Variants in CMSS1 observed in about 807,000 individuals in gnomAD.
The protein encoded by CMSS1 is protein CMSS1.
A neutral mutation model predicts 43.5 loss-of-function variants in CMSS1; 33 were observed. The observed-to-expected ratio is 0.76, with a 90% confidence interval of 0.57 to 1.01. CMSS1 has a LOEUF of 1.01. Ranked by LOEUF, CMSS1 falls within the 50% of genes least tolerant of loss-of-function variation. The pLI, the probability that CMSS1 is intolerant of heterozygous loss-of-function variation, is 0.00. For missense variants in CMSS1, 313 were observed against 326.4 expected (o/e 0.96, Z 0.32); for synonymous variants, 115 against 117.2 (o/e 0.98, Z 0.12).
intron 1 of CMSS1, among the ~76,000 whole-genome samples, chr3:100,114,692 A>G (rs1292281136): frequency 1.3e-5 from 2 of 152,120 alleles, no homozygotes; most frequent in East Asian, 1.9e-4. Context: ...CTGTGTTGCT[A>G]CCCCAGATAT....
intron 1 of CMSS1, chr3:99,930,810 C>T (rs1177756706): frequency 3.7e-6 from 6 of 1,612,876 alleles, no homozygotes; most frequent in African/African-American, 1.3e-5. Flanking sequence ...AATAACAGGT[C>T]ATCTCTTGAG....
intron 1 of CMSS1, among the ~76,000 whole-genome samples, chr3:100,144,472 T>C (rs2066831090): frequency 6.6e-6 from 1 of 152,084 alleles, no homozygotes; most frequent in African/African-American, 2.4e-5. Flanking sequence ...TGGGGATGGA[T>C]GAGGGCTCAT....
intron 1 of CMSS1, among the ~76,000 whole-genome samples, chr3:99,845,855 C>T (rs928595525): frequency 2.6e-5 from 4 of 152,046 alleles, no homozygotes; most frequent in African/African-American, 9.7e-5. Context: ...AGGAATCCTC[C>T]CAGTAGAGGT....
intron 1 of CMSS1, among the ~76,000 whole-genome samples, chr3:99,971,211 A>G (rs938764366): frequency 3.1e-4 from 47 of 152,098 alleles, no homozygotes; most frequent in African/African-American, 1.0e-3. Flanking sequence ...CTGGTGGCAG[A>G]TGCCTGTAGT....
At chr3:99,849,203 C>T (rs576596012) in intron 1 of CMSS1, 2 of 1,614,126 alleles carry the variant, frequency 1.2e-6, no homozygotes, top group African/African-American at 1.3e-5. Flanking sequence ...TATAACTGAC[C>T]ATTGATGACT....
intron 1 of CMSS1, among the ~76,000 whole-genome samples, chr3:99,868,404 CTT>C (rs1311599496): frequency 1.3e-5 from 2 of 152,170 alleles, no homozygotes; most frequent in Admixed American, 1.3e-4. Flanking sequence ...AGGACCTCCT[CTT>C]TGGCCTGAGA....
At chr3:99,938,021 C>T (rs999974820) in intron 1 of CMSS1, among the ~76,000 whole-genome samples, 6 of 151,938 alleles carry the variant, frequency 3.9e-5, no homozygotes, top group Non-Finnish European at 4.4e-5. Context: ...AATTTCAGGG[C>T]AGCACTGGTG....
chr3:99,886,412 A>AG (rs1420063764), intron 1 of CMSS1, among the ~76,000 whole-genome samples: 6 of 151,180 alleles, frequency 4.0e-5, no homozygotes, highest in Admixed American at 1.3e-4. Flanking sequence ...ATACCTGATG[A>AG]GAAAAAAAAA....
Position 100,160,463 on chromosome 3 carries a change from A to G in CMSS1, c.187A>G (p.Arg63Gly). The change falls in exon 3 of 10, where the codon AGA (arginine) becomes GGA (glycine). Residue 63 changes from arginine to glycine, a missense_variant. Arg to Gly is a moderately radical substitution (Grantham distance 125). Coordinates refer to ENST00000421999, the MANE Select transcript of CMSS1 (RefSeq NM_032359.4). ...KECFLIQPKE[R>G]KENTTKTRKR... is the part of the protein sequence containing the mutation. ...ATGTTTTTTGATACAACCAAAGGAAAGAAAAGAGAATACCACCAAGACCAG... is the reference window on the plus strand; with the variant it reads ...ATGTTTTTTGATACAACCAAAGGAAGGAAAAGAGAATACCACCAAGACCAG... 1 of 1,515,318 alleles carries G rather than the reference A, an allele frequency of 6.6e-7. No homozygotes were observed. The highest frequency in any genetic ancestry group is 9.1e-7 in the Non-Finnish European group (1 of 1,093,984). 93.9% of individuals were successfully genotyped at this position (1,515,318 alleles called of 1,614,324 possible).
intron 1 of CMSS1, among the ~76,000 whole-genome samples, chr3:100,038,231 C>G (rs746157995): frequency 2.7e-4 from 41 of 152,168 alleles, no homozygotes; most frequent in Admixed American, 1.4e-3. Flanking sequence ...GCTGTGATTA[C>G]AGGCGTGAGC....
At chr3:100,147,256 A>ATTCTTT (rs1401682283) in intron 2 of CMSS1, among the ~76,000 whole-genome samples, 195 bp downstream of exon 2, 2 of 141,388 alleles carry the variant, frequency 1.4e-5, no homozygotes, top group Non-Finnish European at 3.1e-5. Flanking sequence ...TTTTGCCCTA[A>ATTCTTT]TTCTTTTTCT....
chr3:100,028,871 C>T (rs1480012636), intron 1 of CMSS1, among the ~76,000 whole-genome samples: 6 of 152,256 alleles, frequency 3.9e-5, no homozygotes, highest in Admixed American at 6.5e-5. Context: ...TGTTTCAATA[C>T]ACCTTTTTAC....
chr3:99,844,758 A>C (rs1943287263), intron 1 of CMSS1, among the ~76,000 whole-genome samples: 1 of 152,050 alleles, frequency 6.6e-6, no homozygotes, highest in Admixed American at 6.5e-5. Context: ...CCCCGTTTGG[A>C]TCGTGGGGTG....
At chr3:99,924,884 G>T (rs1250634522) in intron 1 of CMSS1, among the ~76,000 whole-genome samples, 1 of 152,164 alleles carries the variant, frequency 6.6e-6, no homozygotes, top group Non-Finnish European at 1.5e-5. Context: ...ACTTTTGGGT[G>T]CATTTCAATA....
intron 1 of CMSS1, among the ~76,000 whole-genome samples, chr3:100,044,465 T>C (rs2065250355): frequency 6.6e-6 from 1 of 152,046 alleles, no homozygotes; most frequent in Non-Finnish European, 1.5e-5. Context: ...AAACAGAGTA[T>C]ACAAGAGCAT....
chr3:100,047,734 T>A (rs1220656946), intron 1 of CMSS1, among the ~76,000 whole-genome samples: 2 of 152,132 alleles, frequency 1.3e-5, no homozygotes, highest in African/African-American at 4.8e-5. Flanking sequence ...CTCAATCAAA[T>A]CATTTCACCT....
chr3:99,850,782 C>T (rs1943650750), intron 1 of CMSS1: 1 of 1,614,050 alleles, frequency 6.2e-7, no homozygotes, highest in Admixed American at 1.7e-5. Flanking sequence ...ACTTTGTGGT[C>T]TGCGTTTGCA....
intron 1 of CMSS1, among the ~76,000 whole-genome samples, chr3:100,001,637 T>A (rs1348474046): frequency 6.6e-6 from 1 of 152,200 alleles, no homozygotes; most frequent in East Asian, 1.9e-4. Context: ...TTGGGTCTTG[T>A]CTTCCTGTCA....
At chr3:100,143,027 A>C (rs1207785850) in intron 1 of CMSS1, among the ~76,000 whole-genome samples, 1 of 152,196 alleles carries the variant, frequency 6.6e-6, no homozygotes, top group Non-Finnish European at 1.5e-5. Context: ...ACAGTGTAGA[A>C]AGAAGTACAG....
Sources: allele counts gnomAD v4.1 joint callset (sites outside exome capture counted in the v4.1 genomes callset), GRCh38; gene constraint gnomAD v4.1.1; transcripts MANE v1.5; gene names NCBI Gene and HGNC (gene_info 2026-07-23, HGNC 2026-07-21).